The following PTPRD variants were observed in gnomAD, a reference collection of about 807,000 sequenced individuals.
The protein encoded by PTPRD is receptor-type tyrosine-protein phosphatase delta.
PTPRD carries 34 observed loss-of-function variants against 214.5 expected under a neutral mutation model. That is an observed-to-expected ratio of 0.16 (90% CI 0.12 to 0.21). The LOEUF (loss-of-function observed/expected upper bound fraction) is 0.21. Ranked by LOEUF, PTPRD falls within the 10% of genes least tolerant of loss-of-function variation. The pLI is 1.00. For synonymous variants in PTPRD, 1,128 were observed against 845.7 expected (o/e 1.33, Z -5.79); for missense variants, 2,545 against 2,398.7 (o/e 1.06, Z -1.27).
chr9:9,382,081 A>G (rs973858370), intron 9 of PTPRD, among the ~76,000 whole-genome samples: 5 of 152,066 alleles, frequency 3.3e-5, no homozygotes, highest in Non-Finnish European at 7.4e-5. Context: ...TTTTCAGTAT[A>G]TGAGTTTTTC....
At chr9:9,254,937 T>C (rs538365732) in intron 9 of PTPRD, among the ~76,000 whole-genome samples, 1 of 152,204 alleles carries the variant, frequency 6.6e-6, no homozygotes, top group South Asian at 2.1e-4. Context: ...TTATATCTCC[T>C]CTAAAATATC....
chr9:10,338,541 T>G (rs936396047), intron 3 of PTPRD, among the ~76,000 whole-genome samples: 2 of 151,766 alleles, frequency 1.3e-5, no homozygotes, highest in African/African-American at 4.8e-5. Context: ...TTGACTTTTA[T>G]CACATCTATA....
intron 8 of PTPRD, among the ~76,000 whole-genome samples, chr9:9,573,610 A>T (rs1390383487): frequency 6.6e-6 from 1 of 151,760 alleles, no homozygotes; most frequent in Non-Finnish European, 1.5e-5. Context: ...TAAAAAGTTC[A>T]TTCAGGTATA....
chr9:8,520,603 T>C (rs1049144077), intron 20 of PTPRD, among the ~76,000 whole-genome samples: 1 of 151,856 alleles, frequency 6.6e-6, no homozygotes, highest in African/African-American at 2.4e-5. Context: ...CTATAAACAC[T>C]AGGGGAAAAA....
At chr9:9,798,374 T>C (rs2153498178) in intron 5 of PTPRD, among the ~76,000 whole-genome samples, 1 of 152,248 alleles carries the variant, frequency 6.6e-6, no homozygotes. Context: ...TTTGATGAAG[T>C]AAATAGTTGT....
At chr9:9,942,324 G>C (rs1452302827) in intron 4 of PTPRD, among the ~76,000 whole-genome samples, 1 of 152,004 alleles carries the variant, frequency 6.6e-6, no homozygotes, top group Non-Finnish European at 1.5e-5. Flanking sequence ...TAAATAAAAA[G>C]CATCTTCATC....
At chr9:9,804,380 G>A (rs75391551) in intron 5 of PTPRD, among the ~76,000 whole-genome samples, 3,413 of 152,034 alleles carry the variant, frequency 0.022, 131 homozygotes, top group African/African-American at 0.078. Flanking sequence ...TCAGCACACA[G>A]GAAACTAATA....
At chr9:9,166,034 A>G (rs1592755956) in intron 10 of PTPRD, among the ~76,000 whole-genome samples, 1 of 152,136 alleles carries the variant, frequency 6.6e-6, no homozygotes, top group South Asian at 2.1e-4. Flanking sequence ...GTCTGTCCCT[A>G]TGTAGGTATT....
At chr9:9,185,279 G>C (rs1008327359) in intron 9 of PTPRD, among the ~76,000 whole-genome samples, 35 of 152,002 alleles carry the variant, frequency 2.3e-4, no homozygotes, top group African/African-American at 8.5e-4. Context: ...CAAAAATAGA[G>C]ACATCTGACA....
At chr9:8,564,038 T>C (rs901638244) in intron 14 of PTPRD, among the ~76,000 whole-genome samples, 10 of 152,190 alleles carry the variant, frequency 6.6e-5, no homozygotes, top group African/African-American at 1.2e-4. Context: ...CTTTGAATTA[T>C]GAATTTTGAT....
intron 3 of PTPRD, among the ~76,000 whole-genome samples, chr9:10,272,895 T>G (rs1242195360): frequency 2.0e-5 from 3 of 152,226 alleles, no homozygotes; most frequent in African/African-American, 4.8e-5. Context: ...ATAAATGTCT[T>G]TCTTCTGTGG....
chr9:9,692,894 A>C (rs1320251546), intron 7 of PTPRD, among the ~76,000 whole-genome samples: 4 of 151,844 alleles, frequency 2.6e-5, no homozygotes, highest in Non-Finnish European at 5.9e-5. Flanking sequence ...GCTATTGTAA[A>C]TGAGATTAAT....
At chr9:9,379,074 T>C (rs1435536671) in intron 9 of PTPRD, among the ~76,000 whole-genome samples, 2 of 151,582 alleles carry the variant, frequency 1.3e-5, no homozygotes, top group Non-Finnish European at 2.9e-5. Flanking sequence ...TAAAAAGTCA[T>C]TGCTATATTT....
intron 2 of PTPRD, among the ~76,000 whole-genome samples, chr9:10,449,956 C>G (rs1019910647): frequency 2.6e-5 from 4 of 151,678 alleles, no homozygotes; most frequent in Non-Finnish European, 4.4e-5. Context: ...ACCCCGTGCT[C>G]TCTGAAACAT....
chr9:8,883,714 T>A (rs118147888), intron 11 of PTPRD, among the ~76,000 whole-genome samples: 1 of 152,206 alleles, frequency 6.6e-6, no homozygotes, highest in South Asian at 2.1e-4. Context: ...GACTTTCTTT[T>A]ATACAGGTCT....
intron 18 of PTPRD, 147 bp downstream of exon 18, chr9:8,524,778 A>T (rs1170180629): frequency 3.8e-6 from 3 of 779,402 alleles, no homozygotes; most frequent in African/African-American, 1.7e-5. Flanking sequence ...TAAATTTTTA[A>T]CTTTTCTATT....
chr9:10,311,871 G>C (rs1323387557), intron 3 of PTPRD, among the ~76,000 whole-genome samples: 1 of 151,970 alleles, frequency 6.6e-6, no homozygotes, highest in East Asian at 1.9e-4. Context: ...AGCTTGGTGT[G>C]AGATCGAATT....
At chr9:9,579,935 T>C (rs1312963459) in intron 7 of PTPRD, among the ~76,000 whole-genome samples, 1 of 152,136 alleles carries the variant, frequency 6.6e-6, no homozygotes, top group African/African-American at 2.4e-5. Context: ...CTCCCACTTA[T>C]AAGAGAGAAT....
At chr9:10,467,665 GGAT>G (rs1400388216) in intron 2 of PTPRD, among the ~76,000 whole-genome samples, 2 of 152,000 alleles carry the variant, frequency 1.3e-5, no homozygotes, top group African/African-American at 4.8e-5. Context: ...CCAAAAAAAT[GGAT>G]GATATATATG....
Sources: gnomAD v4.1 joint callset for allele counts (sites outside exome capture counted in the v4.1 genomes callset) on GRCh38, gnomAD v4.1.1 for gene constraint, MANE v1.5 for transcripts, NCBI Gene and HGNC (gene_info 2026-07-23, HGNC 2026-07-21) for gene names.